The following TACC2 variants were observed in gnomAD, a reference collection of about 807,000 sequenced individuals.
The protein encoded by TACC2 is transforming acidic coiled-coil-containing protein 2.
TACC2 carries 137 observed loss-of-function variants against 227.3 expected under a neutral mutation model. The observed-to-expected ratio is 0.60, with a 90% confidence interval of 0.52 to 0.69. The LOEUF (loss-of-function observed/expected upper bound fraction) is 0.69. Ranked by LOEUF, TACC2 falls within the 30% of genes least tolerant of loss-of-function variation. The probability of loss-of-function intolerance (pLI) is 0.00; values close to 1 mark genes in which losing one functional copy is unlikely to be tolerated. For synonymous variants in TACC2, 1,523 were observed against 1,487.5 expected, an observed-to-expected ratio of 1.02 and a Z score of -0.55; for missense variants, 3,470 against 3,694.4, an observed-to-expected ratio of 0.94 and a Z score of 1.57.
At chr10:122,220,390 ATAATT>A (rs2095500870) in intron 11 of TACC2, among the ~76,000 whole-genome samples, 1 of 152,244 alleles carries the variant, frequency 6.6e-6, no homozygotes, top group African/African-American at 2.4e-5. Context: ...AGTCATGACT[ATAATT>A]TAAGCTGGTA....
In TACC2 at chr10:122,163,766, C is replaced by T. The variant is rs948560764; in HGVS notation, c.5834+20060C>T. ...CGGCTCGGGCCGCGAGTCGCAGCTC[C>T]CTGCCGCCGCTCCCGCCGCCACGGA... On this transcript the variant is annotated intron_variant, in intron 7 of 22. Transcript: ENST00000369005. 4.8e-5 allele frequency: 58 copies of T among 1,213,682 alleles called. No homozygotes were observed. The African/African-American group carries it at 8.4e-4, about 18-fold the overall frequency. The allele number at this position is 1,213,682 out of a possible 1,614,324, so 75.2% of individuals were successfully genotyped here.
chr10:122,155,391 A>AACACATCAACATTCAAAGCAAATGCGAC (rs2092395697), intron 7 of TACC2, among the ~76,000 whole-genome samples: 1 of 152,266 alleles, frequency 6.6e-6, no homozygotes, highest in African/African-American at 2.4e-5. Context: ...TCCGTGGATT[A>AACACATCAACATTCAAAGCAAATGCGAC]ACACATCAAC....
intron 9 of TACC2, among the ~76,000 whole-genome samples, chr10:122,214,925 G>A (rs1006611591): frequency 3.3e-4 from 50 of 152,058 alleles, no homozygotes; most frequent in Admixed American, 3.1e-3. Context: ...TGAGGACCCC[G>A]AACTTTCTAT....
At chr10:122,186,425 T>C (rs963391964) in intron 7 of TACC2, among the ~76,000 whole-genome samples, 1 of 152,068 alleles carries the variant, frequency 6.6e-6, no homozygotes, top group African/African-American at 2.4e-5. Flanking sequence ...GCCCAAGAGT[T>C]TGAGGTTACA....
At chr10:122,142,691 TC>T (rs1401774288) in intron 6 of TACC2, among the ~76,000 whole-genome samples, 2 of 152,160 alleles carry the variant, frequency 1.3e-5, no homozygotes, top group Non-Finnish European at 2.9e-5. Flanking sequence ...AGCTACCACC[TC>T]AGGCTGGGTT....
At chr10:122,044,469 G>A (rs1184629184) in intron 2 of TACC2, among the ~76,000 whole-genome samples, 1 of 152,168 alleles carries the variant, frequency 6.6e-6, no homozygotes, top group South Asian at 2.1e-4. Flanking sequence ...TCTGAAATCC[G>A]ATTCCTAATG....
At chr10:122,034,141 G>A (rs12354737) in intron 2 of TACC2, among the ~76,000 whole-genome samples, 20,533 of 121,438 alleles carry the variant, frequency 0.17, 1,922 homozygotes, top group Admixed American at 0.26. Context: ...GACAGAGTGA[G>A]ACTCTGTCTC....
intron 5 of TACC2, among the ~76,000 whole-genome samples, chr10:122,121,155 G>A (rs2085703997): frequency 1.3e-5 from 2 of 152,228 alleles, no homozygotes; most frequent in African/African-American, 4.8e-5. Flanking sequence ...ACACCTGGAT[G>A]TGCAGGAGAG....
intron 3 of TACC2, among the ~76,000 whole-genome samples, chr10:122,056,278 G>A (rs1184110023): frequency 2.0e-5 from 3 of 152,152 alleles, no homozygotes; most frequent in South Asian, 2.1e-4. Context: ...GGGTTCTAGC[G>A]TTTCTCCTGC....
At position 122,084,061 on chromosome 10, in the gene TACC2, G is replaced by A. The variant is rs1429753324; in HGVS notation, c.1561G>A (p.Glu521Lys). ...AGTACCACCCCCTCCTCTTCCCAAG[G>A]AGCAAAGCCATGAGGTCCAACCAGG... The part of the protein sequence containing the change: ...PGVPPPPLPK[E>K]QSHEVQPGAP... The change falls in exon 4 of 23, where the codon GAG (glutamate) becomes AAG (lysine). Residue 521 changes from glutamate to lysine, a missense_variant. Physicochemically the swap from Glu to Lys is moderately conservative, Grantham distance 56. Coordinates refer to ENST00000369005, the MANE Select transcript of TACC2 (RefSeq NM_206862.4). The A allele has an allele frequency of 6.2e-7, 1 of 1,614,126 alleles. No homozygotes were observed. The highest frequency in any genetic ancestry group is 8.5e-7 in the Non-Finnish European group (1 of 1,180,018).
At chr10:122,154,726 C>T (rs1020791728) in intron 7 of TACC2, among the ~76,000 whole-genome samples, 1 of 152,200 alleles carries the variant, frequency 6.6e-6, no homozygotes, top group Non-Finnish European at 1.5e-5. Context: ...GGGAATTATA[C>T]AGACAGGGCC....
intron 2 of TACC2, among the ~76,000 whole-genome samples, chr10:122,044,682 A>ATTTT (rs35408701): frequency 6.8e-6 from 1 of 146,236 alleles, no homozygotes; most frequent in African/African-American, 2.5e-5. Flanking sequence ...GGTAAGTGGA[A>ATTTT]TTTTTTTTTT....
At chr10:122,069,482 T>C (rs2077785555) in intron 3 of TACC2, among the ~76,000 whole-genome samples, 1 of 152,144 alleles carries the variant, frequency 6.6e-6, no homozygotes, top group Non-Finnish European at 1.5e-5. Context: ...GACCTCATGA[T>C]CCACCTGCCT....
chr10:122,118,940 C>G (rs1197524844), intron 5 of TACC2, among the ~76,000 whole-genome samples: 1 of 152,180 alleles, frequency 6.6e-6, no homozygotes, highest in Non-Finnish European at 1.5e-5. Flanking sequence ...TATTGAGGAC[C>G]TGTAGTGAGA....
At chr10:122,193,657 G>A (rs2094479526) in intron 7 of TACC2, among the ~76,000 whole-genome samples, 1 of 152,150 alleles carries the variant, frequency 6.6e-6, no homozygotes, top group African/African-American at 2.4e-5. Context: ...TTAATAATTA[G>A]CCCCCTCGTT....
Position 122,150,722 on chromosome 10 carries a change from G to A in TACC2, c.5834+7016G>A, listed in dbSNP as rs17103126. Among the ~76,000 whole-genome samples the A allele has an allele frequency of 8.2e-4, 125 of 152,182 alleles. 1 individual carries two copies. Among genetic ancestry groups the A allele is most frequent in the Non-Finnish European group, 1.8e-4 (12 of 68,036 alleles). On this transcript the variant is annotated intron_variant, in intron 7 of 22. Coordinates refer to ENST00000369005, the MANE Select transcript of TACC2 (RefSeq NM_206862.4). The surrounding 1 kb of genome is among the most constrained non-coding windows in gnomAD (Gnocchi z 4.0). ...CCATGCCCGAGTGCCTCGCCGTGTT[G>A]ATGAGCCAGTTTCTTTAATACTTCG...
chr10:122,107,862 TTA>T (rs1280958609), intron 5 of TACC2, among the ~76,000 whole-genome samples: 3,660 of 116,346 alleles, frequency 0.031, 184 homozygotes, highest in African/African-American at 0.1. Flanking sequence ...CCAAAGTCCA[TTA>T]TATATATATA....
Position 122,132,617 on chromosome 10 carries a change from T to G in TACC2, c.5582T>G (p.Val1861Gly), listed in dbSNP as rs1249483062. Residue 1861 changes from valine to glycine, a missense_variant, in exon 6 of 23, where the codon GTG (valine) becomes GGG (glycine). Transcript: ENST00000369005. ...RGAEGTESSP[V>G]ADDIIQPAAP... The stretch of plus-strand genomic sequence containing the variant: ...CCCTTTTCTCTCCCCAGTTCACCTG[T>G]GGCAGATGATATCATCCAGCCCGCT... 1.2e-6 allele frequency: 2 copies of G among 1,614,216 alleles called. No individual in the cohort carries two copies. Among genetic ancestry groups the G allele is most frequent in the Non-Finnish European group, 1.7e-6 (2 of 1,180,030 alleles).
intron 7 of TACC2, among the ~76,000 whole-genome samples, chr10:122,183,352 C>T (rs1052750870): frequency 6.6e-5 from 10 of 152,274 alleles, no homozygotes; most frequent in South Asian, 2.1e-4. Context: ...CTCAGTCTCC[C>T]GTTGGCTCTA....
Sources: gnomAD v4.1 joint callset for allele counts (sites outside exome capture counted in the v4.1 genomes callset) on GRCh38, gnomAD v4.1.1 for gene constraint, Gnocchi (gnomAD v3.1) non-coding constraint, MANE v1.5 for transcripts, NCBI Gene and HGNC (gene_info 2026-07-23, HGNC 2026-07-21) for gene names.